The following CYB5RL variants were observed in gnomAD, a reference collection of about 807,000 sequenced individuals.
CYB5RL encodes NADH-cytochrome b5 reductase-like.
A neutral mutation model predicts 37.5 loss-of-function variants in CYB5RL; 38 were observed. That is an observed-to-expected ratio of 1.01 (90% CI 0.78 to 1.33). CYB5RL has a LOEUF of 1.33. CYB5RL is among the 40% of genes most tolerant of loss of function. The pLI, the probability that CYB5RL is intolerant of heterozygous loss-of-function variation, is 0.00. For missense variants in CYB5RL, 388 were observed against 394.4 expected (o/e 0.98, Z 0.14); for synonymous variants, 141 against 151.9 (o/e 0.93, Z 0.53).
Position 54,187,721 on chromosome 1 carries a change from T to G in CYB5RL, c.366A>C (p.Leu122Phe). The change falls in exon 5 of 8, where the codon TTA becomes TTC. Residue 122 changes from leucine (L) to phenylalanine (F), a missense_variant. Coordinates refer to ENST00000534324, the MANE Select transcript of CYB5RL (RefSeq NM_001031672.4). ...TGGGCGTATAGGCTCTCTGAATTTC[T>G]AAGTCATCTACTATCCCTCTGAGAA... Reference protein sequence around the residue: ...HLILRGIVDDLEIQRAYTPIS... With the variant: ...HLILRGIVDDFEIQRAYTPIS... 6.2e-7 allele frequency: 1 copy of G among 1,613,990 alleles called. No individual in the cohort carries two copies. Among genetic ancestry groups the G allele is most frequent in the African/African-American group, 1.3e-5 (1 of 75,052 alleles).
chr1:54,192,920 A>C (rs181223042), intron 3 of CYB5RL, among the ~76,000 whole-genome samples: 1 of 152,108 alleles, frequency 6.6e-6, no homozygotes, highest in Admixed American at 6.5e-5. Flanking sequence ...ACGTCTGGCT[A>C]ATTTTTATAT....
chr1:54,191,737 C>T (rs1050875155), intron 3 of CYB5RL, among the ~76,000 whole-genome samples: 13 of 152,232 alleles, frequency 8.5e-5, no homozygotes, highest in Admixed American at 2.0e-4. Flanking sequence ...AATTCTTGGG[C>T]TTGGCATTCA....
intron 3 of CYB5RL, 136 bp downstream of exon 3, chr1:54,195,283 G>C (rs1643996132): frequency 2.8e-6 from 3 of 1,065,808 alleles, no homozygotes; most frequent in Non-Finnish European, 1.3e-6. Context: ...TTTGAGCCTA[G>C]ATCTGTTTGC....
rs1454957948 is a variant in CYB5RL, at chr1:54,184,107, A to G, written c.540+54T>C. ...ACAGTGAGATGCTATGGGCCGAAAC[A>G]TGAAAACCACAGTCAACAGGGATCT... On this transcript the variant is annotated intron_variant, in intron 6 of 7. Transcript: ENST00000534324. 5.2e-6 allele frequency: 8 copies of G among 1,525,594 alleles called. No homozygotes were observed. In the Admixed American group the frequency reaches 1.5e-4, roughly 29 times the overall value. 94.5% of individuals were successfully genotyped at this position (1,525,594 alleles called of 1,614,324 possible). A position where few individuals can be genotyped will look rare whatever the true frequency, so the allele number is the denominator to read the frequency against.
chr1:54,179,354 T>G lies in CYB5RL; in HGVS notation c.541-2A>C. 6.2e-7 allele frequency: 1 copy of G among 1,611,464 alleles called. No individual in the cohort carries two copies. The highest frequency in any genetic ancestry group is 8.5e-7 in the Non-Finnish European group (1 of 1,179,300). Reference sequence around the variant, plus strand: ...AGCCAGCAAGAGGAGCTCACCATACTGGGGAACAGAAGGGGTATGTATGAC... The same window carrying G: ...AGCCAGCAAGAGGAGCTCACCATACGGGGGAACAGAAGGGGTATGTATGAC... On this transcript the variant is annotated splice_acceptor_variant, in intron 6 of 7. Transcript: ENST00000534324. LOFTEE classifies it high-confidence loss of function.
Position 54,187,621 on chromosome 1 carries a change from C to T in CYB5RL, c.435+31G>A, listed in dbSNP as rs1383268882. ...TCTTAGACCCATAGCTTCTCCACGG[C>T]ATCTTGGAGCATCCTCAAGGGTCAA... On this transcript the variant is annotated intron_variant, in intron 5 of 7. Coordinates refer to ENST00000534324, the MANE Select transcript of CYB5RL (RefSeq NM_001031672.4). 4 of 1,599,860 alleles carry T rather than the reference C, an allele frequency of 2.5e-6. No individual in the cohort carries two copies. In the Admixed American group the frequency reaches 6.7e-5, roughly 27 times the overall value.
rs1398290726 is a variant in CYB5RL, at chr1:54,179,311, G to A, written c.582C>T (p.Ala194=). The change falls in exon 7 of 8, where the codon GCC becomes GCT. Residue 194 remains alanine (A), a synonymous_variant. Transcript: ENST00000534324. ...LLLLAAGTGL[A]PMVPILQSIT... is the part of the protein sequence containing the mutation. ...TGCTCTGCAGGATAGGCACCATGGG[G>A]GCCAGGCCCGTGCCCGCAGCCAGCA... is the stretch of plus-strand genomic sequence containing the variant. 8 of 1,613,724 alleles carry A rather than the reference G, an allele frequency of 5.0e-6. No homozygotes were observed. Among genetic ancestry groups the A allele is most frequent in the African/African-American group, 1.3e-5 (1 of 75,010 alleles).
chr1:54,199,951 T>G, intron 1 of CYB5RL, 25 bp downstream of exon 1: 1 of 447,636 alleles, frequency 2.2e-6, no homozygotes, highest in Non-Finnish European at 4.0e-6. Flanking sequence ...CCTGGAGCGA[T>G]TCTCCACCCA....
In CYB5RL at chr1:54,195,592, C is replaced by G. The variant is rs371892796; in HGVS notation, c.25G>C (p.Asp9His). Residue 9 changes from aspartate to histidine, a missense_variant, in exon 3 of 8, where the codon GAC becomes CAC. Transcript: ENST00000534324. The part of the protein sequence containing the change: MMAEREED[D>H]DTEEAWMQLR... Reference sequence around the variant, plus strand: ...TGCATCCAGGCTTCCTCAGTGTCGTCGTCCTCTTCCCTCTCAGCCATCATC... The same window carrying G: ...TGCATCCAGGCTTCCTCAGTGTCGTGGTCCTCTTCCCTCTCAGCCATCATC... 1 of 1,611,782 alleles carries G rather than the reference C, an allele frequency of 6.2e-7. No homozygotes were observed. The highest frequency in any genetic ancestry group is 1.7e-5 in the Admixed American group (1 of 59,938).
At chr1:54,175,721 C>T (rs1022430509) in intron 7 of CYB5RL, 1 of 418,020 alleles carries the variant, frequency 2.4e-6, no homozygotes, top group African/African-American at 2.1e-5. Context: ...AATAGAAACA[C>T]ACAAAAAATA....
intron 3 of CYB5RL, among the ~76,000 whole-genome samples, chr1:54,192,621 T>C (rs955692028): frequency 1.3e-5 from 2 of 152,186 alleles, no homozygotes; most frequent in Non-Finnish European, 2.9e-5. Flanking sequence ...TAACAACCTA[T>C]AAAGTATTAA....
rs1042304798 is a variant in CYB5RL at position 54,172,188 on chromosome 1, A to T, written c.*2431T>A. 4 of 152,200 alleles carry T rather than the reference A, an allele frequency of 2.6e-5. No homozygotes were observed. Among genetic ancestry groups the T allele is most frequent in the Non-Finnish European group, 5.9e-5 (4 of 68,108 alleles). 9.4% of individuals were successfully genotyped at this position (152,200 alleles called of 1,614,324 possible). A position where few individuals can be genotyped will look rare whatever the true frequency, so the allele number is the denominator to read the frequency against. ...TTGATTTTATTATTATTATTTTGAGACAGGGTCTTGCTCTGTCACACAGAT... is the reference window on the plus strand; with the variant it reads ...TTGATTTTATTATTATTATTTTGAGTCAGGGTCTTGCTCTGTCACACAGAT... On this transcript the variant is annotated 3_prime_UTR_variant, in exon 8 of 8. Coordinates refer to ENST00000534324, the MANE Select transcript of CYB5RL (RefSeq NM_001031672.4).
chr1:54,188,726 G>A (rs912434770), intron 4 of CYB5RL, among the ~76,000 whole-genome samples: 1 of 152,180 alleles, frequency 6.6e-6, no homozygotes, highest in Non-Finnish European at 1.5e-5. Context: ...CTTCAGAGCT[G>A]GGTTCCTCAC....
chr1:54,179,353 C>T lies in CYB5RL; in HGVS notation c.541-1G>A. ...CAGCCAGCAAGAGGAGCTCACCATA[C>T]TGGGGAACAGAAGGGGTATGTATGA... On this transcript the variant is annotated splice_acceptor_variant, in intron 6 of 7. Transcript: ENST00000534324. LOFTEE classifies it high-confidence loss of function. 1 of 1,611,584 alleles carries T rather than the reference C, an allele frequency of 6.2e-7. No homozygotes were observed. Among genetic ancestry groups the T allele is most frequent in the Non-Finnish European group, 8.5e-7 (1 of 1,179,300 alleles).
chr1:54,172,416 C>T lies in CYB5RL; in HGVS notation c.*2203G>A, dbSNP rs1005251596. On this transcript the variant is annotated 3_prime_UTR_variant, in exon 8 of 8. Transcript: ENST00000534324. ...CCTCGAACTTCTGGGCTCAGGCAATCTGCCTGCCGCAGCCTCCCAAAGTGC... is the reference window on the plus strand; with the variant it reads ...CCTCGAACTTCTGGGCTCAGGCAATTTGCCTGCCGCAGCCTCCCAAAGTGC... The T allele has an allele frequency of 7.2e-6, 1 of 138,154 alleles. No homozygotes were observed. The highest frequency in any genetic ancestry group is 2.7e-5 in the African/African-American group (1 of 37,338). The allele number at this position is 138,154 out of a possible 1,614,324, so 8.6% of individuals were successfully genotyped here.
intron 7 of CYB5RL, 139 bp downstream of exon 7, chr1:54,179,010 T>C (rs1660088645): frequency 1.1e-6 from 1 of 952,088 alleles, no homozygotes; most frequent in South Asian, 1.6e-5. Context: ...CTGCCTTCCA[T>C]ACAGGTGGGT....
In CYB5RL at chr1:54,191,044, T is replaced by A. The variant is rs76973962; in HGVS notation, c.199-148A>T. On this transcript the variant is annotated intron_variant, in intron 3 of 7. Transcript: ENST00000534324. ...GGACACTAGCCTCACCTTACTTCCC[T>A]TTCAAAATTGGATCTAAGAATGCCA... 7.0e-6 allele frequency: 8 copies of A among 1,141,568 alleles called. No homozygotes were observed. The East Asian group carries it at 2.1e-4, about 29-fold the overall frequency. 70.7% of individuals were successfully genotyped at this position (1,141,568 alleles called of 1,614,324 possible). A position where few individuals can be genotyped will look rare whatever the true frequency, so the allele number is the denominator to read the frequency against.
chr1:54,190,609 T>G (rs1035532659), intron 4 of CYB5RL, 139 bp downstream of exon 4: 17 of 1,061,098 alleles, frequency 1.6e-5, no homozygotes, highest in Non-Finnish European at 2.3e-5. Context: ...AAGAACTCTC[T>G]GAGTCATGTG....
At position 54,171,591 on chromosome 1, in the gene CYB5RL, G is replaced by A; in HGVS notation, c.*3028C>T. 1 of 376,886 alleles carries A rather than the reference G, an allele frequency of 2.7e-6. No individual in the cohort carries two copies. Among genetic ancestry groups the A allele is most frequent in the Non-Finnish European group, 5.3e-6 (1 of 188,752 alleles). 23.3% of individuals were successfully genotyped at this position (376,886 alleles called of 1,614,324 possible). A position where few individuals can be genotyped will look rare whatever the true frequency, so the allele number is the denominator to read the frequency against. ...AGTAGCTGTTGCCTTCCTGAAGCTT[G>A]GGATGCATATGCACAAAGAGAGCTC... On this transcript the variant is annotated 3_prime_UTR_variant, in exon 8 of 8. Transcript: ENST00000534324.
Sources: allele counts gnomAD v4.1 joint callset (sites outside exome capture counted in the v4.1 genomes callset), GRCh38; gene constraint gnomAD v4.1.1; transcripts MANE v1.5; gene names NCBI Gene and HGNC (gene_info 2026-07-23, HGNC 2026-07-21).